The following OPCML variants were observed in gnomAD, a reference collection of about 807,000 sequenced individuals.
OPCML encodes opioid binding protein/cell adhesion molecule like.
In OPCML, 13 loss-of-function variants were observed where a neutral mutation model predicts 37.8. That is an observed-to-expected ratio of 0.34 (90% CI 0.22 to 0.55). OPCML has a LOEUF of 0.55. OPCML is among the 20% of genes least tolerant of loss of function. The pLI is 0.91. For missense variants in OPCML, 341 were observed against 435.6 expected, an observed-to-expected ratio of 0.78 and a Z score of 1.93; for synonymous variants, 176 against 168.8, an observed-to-expected ratio of 1.04 and a Z score of -0.33.
At chr11:132,522,104 T>C (rs375185389) in intron 4 of OPCML, among the ~76,000 whole-genome samples, 4 of 152,248 alleles carry the variant, frequency 2.6e-5, no homozygotes, top group African/African-American at 7.2e-5. Flanking sequence ...AGACCAACTC[T>C]TCTTATTCAT....
chr11:133,041,507 T>C (rs1947897121), intron 1 of OPCML, among the ~76,000 whole-genome samples: 1 of 152,210 alleles, frequency 6.6e-6, no homozygotes, highest in Admixed American at 6.5e-5. Context: ...TAGAAGTAGA[T>C]GAGGAATAAC....
At chr11:133,450,209 A>C in intron 1 of OPCML, among the ~76,000 whole-genome samples, 1 of 151,752 alleles carries the variant, frequency 6.6e-6, no homozygotes, top group East Asian at 1.9e-4. Flanking sequence ...GAGTGATGAG[A>C]GATAATAAAC....
intron 7 of OPCML, among the ~76,000 whole-genome samples, chr11:132,431,704 T>G (rs1475998612): frequency 6.6e-6 from 1 of 152,244 alleles, no homozygotes; most frequent in Non-Finnish European, 1.5e-5. Context: ...AAATTGCTTA[T>G]ATCCCATTTT....
rs558587471 is a variant in OPCML at position 132,999,628 on chromosome 11, T to C, written c.62-56618A>G. 7.2e-5 allele frequency among the ~76,000 whole-genome samples: 11 copies of C among 152,180 alleles called. No homozygotes were observed. The East Asian group carries it at 2.1e-3, about 29-fold the overall frequency. ...TTTTTAACATTTAAATTTAGGTTTT[T>C]CTTGTAGCTCTGCGTGCTGCCACGA... On this transcript the variant is annotated intron_variant, in intron 1 of 7. Coordinates refer to ENST00000524381, the MANE Select transcript of OPCML (RefSeq NM_001012393.5).
intron 1 of OPCML, among the ~76,000 whole-genome samples, chr11:133,335,576 G>T (rs1943727293): frequency 6.6e-6 from 1 of 152,056 alleles, no homozygotes. Flanking sequence ...CCCTAAAATT[G>T]TTTTCAATGA....
At chr11:133,437,346 CT>C (rs1946254351) in intron 1 of OPCML, among the ~76,000 whole-genome samples, 1 of 152,154 alleles carries the variant, frequency 6.6e-6, no homozygotes, top group Admixed American at 6.5e-5. Flanking sequence ...ATTTCCTCCA[CT>C]TTCTCTCTGG....
chr11:133,291,840 G>A (rs949702879), intron 1 of OPCML, among the ~76,000 whole-genome samples: 28 of 152,154 alleles, frequency 1.8e-4, no homozygotes, highest in African/African-American at 4.6e-4. Flanking sequence ...TTCTTTTCAA[G>A]CTGCCCACAC....
At chr11:132,919,981 G>A (rs1443185798) in intron 2 of OPCML, among the ~76,000 whole-genome samples, 1 of 152,216 alleles carries the variant, frequency 6.6e-6, no homozygotes, top group Non-Finnish European at 1.5e-5. Flanking sequence ...CTTGCCAGGG[G>A]CTAGATGGAA....
At chr11:132,712,182 T>C (rs908543171) in intron 2 of OPCML, among the ~76,000 whole-genome samples, 1 of 152,178 alleles carries the variant, frequency 6.6e-6, no homozygotes, top group Non-Finnish European at 1.5e-5. Context: ...TTGGATGTTG[T>C]CGGCAATTGA....
chr11:133,070,273 C>A (rs141249357), intron 1 of OPCML, among the ~76,000 whole-genome samples: 224 of 152,294 alleles, frequency 1.5e-3, no homozygotes, highest in African/African-American at 4.6e-3. Context: ...CTGCAGCAAG[C>A]AAAGGCTGTC....
At chr11:132,500,298 T>C (rs2096242811) in intron 4 of OPCML, among the ~76,000 whole-genome samples, 1 of 152,232 alleles carries the variant, frequency 6.6e-6, no homozygotes, top group Admixed American at 6.5e-5. Flanking sequence ...TCATCCAATT[T>C]GATAGGTCTG....
intron 1 of OPCML, among the ~76,000 whole-genome samples, chr11:133,395,701 T>G (rs556092950): frequency 6.6e-6 from 1 of 152,224 alleles, no homozygotes; most frequent in African/African-American, 2.4e-5. Flanking sequence ...TGTAGGTAGA[T>G]GAATCTGTTT....
At chr11:132,891,142 T>C (rs1285431378) in intron 2 of OPCML, among the ~76,000 whole-genome samples, 1 of 152,218 alleles carries the variant, frequency 6.6e-6, no homozygotes, top group African/African-American at 2.4e-5. Flanking sequence ...TAGGTGATTG[T>C]TGGTAACTTT....
chr11:133,344,945 C>T (rs753230340), intron 1 of OPCML, among the ~76,000 whole-genome samples: 6 of 152,172 alleles, frequency 3.9e-5, no homozygotes, highest in Admixed American at 6.5e-5. Flanking sequence ...TTGCTAGCCA[C>T]GTCACATGCG....
At chr11:133,306,595 A>AC (rs11393496) in intron 1 of OPCML, among the ~76,000 whole-genome samples, 96,402 of 151,894 alleles carry the variant, frequency 0.63, 31,844 homozygotes, top group East Asian at 0.85. Context: ...GTACTGTGAT[A>AC]ACAATGACAA....
At chr11:132,471,991 G>A (rs2096139490) in intron 4 of OPCML, among the ~76,000 whole-genome samples, 1 of 152,142 alleles carries the variant, frequency 6.6e-6, no homozygotes, top group Non-Finnish European at 1.5e-5. Context: ...CCTACATCAT[G>A]AAGGCAAAAC....
chr11:133,422,493 C>T (rs1429208543), intron 1 of OPCML: 2 of 982,914 alleles, frequency 2.0e-6, no homozygotes, highest in Admixed American at 6.2e-5. Context: ...TAGCGTCTTG[C>T]TAGGAACCAC....
chr11:132,732,344 GT>G (rs1281161792), intron 2 of OPCML, among the ~76,000 whole-genome samples: 4 of 152,168 alleles, frequency 2.6e-5, no homozygotes, highest in African/African-American at 9.7e-5. Flanking sequence ...CAAATCCCAG[GT>G]TTCTGACAAG....
chr11:132,631,599 A>G (rs964484979), intron 3 of OPCML, among the ~76,000 whole-genome samples: 20 of 150,298 alleles, frequency 1.3e-4, no homozygotes, highest in Admixed American at 6.6e-4. Flanking sequence ...AGCTGGGACT[A>G]CAGGCGCCCG....
Sources: gnomAD v4.1 joint callset for allele counts (sites outside exome capture counted in the v4.1 genomes callset) on GRCh38, gnomAD v4.1.1 for gene constraint, MANE v1.5 for transcripts, NCBI Gene and HGNC (gene_info 2026-07-23, HGNC 2026-07-21) for gene names.